The following DPYSL2 variants were observed in gnomAD, a reference collection of about 807,000 sequenced individuals.
The protein encoded by DPYSL2 is dihydropyrimidinase-related protein 2.
A neutral mutation model predicts 69.9 loss-of-function variants in DPYSL2; 13 were observed. The ratio of observed to expected loss-of-function variants is 0.19; its 90% CI spans 0.12 to 0.30. The LOEUF (loss-of-function observed/expected upper bound fraction) is 0.30, where lower values mean the gene tolerates loss of function less well. Ranked by LOEUF, DPYSL2 falls within the 10% of genes least tolerant of loss-of-function variation. The pLI, the probability that DPYSL2 is intolerant of heterozygous loss-of-function variation, is 1.00. For synonymous variants in DPYSL2, 326 were observed against 359.1 expected (o/e 0.91, Z 1.04); for missense variants, 587 against 918.9 (o/e 0.64, Z 4.67).
chr8:26,563,361 A>G (rs879461024), intron 1 of DPYSL2, among the ~76,000 whole-genome samples: 3 of 152,150 alleles, frequency 2.0e-5, no homozygotes, highest in Non-Finnish European at 4.4e-5. Flanking sequence ...TTGTCCAAAG[A>G]CTAAGTCTTC....
chr8:26,515,977 C>A (rs899557991), intron 1 of DPYSL2, among the ~76,000 whole-genome samples: 1 of 152,198 alleles, frequency 6.6e-6, no homozygotes, highest in South Asian at 2.1e-4. Flanking sequence ...CCTTTGAGAA[C>A]AATTCAGAAT....
Position 26,624,111 on chromosome 8 carries a change from G to A in DPYSL2, c.629-32G>A, listed in dbSNP as rs1802562094. On this transcript the variant is annotated intron_variant, in intron 3 of 13. Transcript: ENST00000521913. This position sits in a 1 kb window ranked among gnomAD's most constrained non-coding sequence, Gnocchi z 4.7. ...CTGGCCCACGGCCCTTGAGGCTCTT[G>A]GTGATGATGACATATGTCTGTTTCT... is the stretch of plus-strand genomic sequence containing the variant. The A allele has an allele frequency of 1.9e-6, 3 of 1,612,640 alleles. No individual in the cohort carries two copies. The East Asian group carries it at 6.7e-5, about 36-fold the overall frequency.
chr8:26,575,305 A>G (rs1801309607), intron 1 of DPYSL2, among the ~76,000 whole-genome samples: 1 of 151,780 alleles, frequency 6.6e-6, no homozygotes, highest in African/African-American at 2.4e-5. Context: ...TTATTTTTAC[A>G]AGGATCTCTG....
At chr8:26,600,028 A>G (rs1473023675) in intron 3 of DPYSL2, among the ~76,000 whole-genome samples, 1 of 152,244 alleles carries the variant, frequency 6.6e-6, no homozygotes, top group East Asian at 1.9e-4. Flanking sequence ...GGCCTTTTAT[A>G]GCTGGCTTCT....
chr8:26,539,643 G>A (rs1563379129), intron 1 of DPYSL2, among the ~76,000 whole-genome samples: 1 of 152,154 alleles, frequency 6.6e-6, no homozygotes, highest in South Asian at 2.1e-4. Context: ...GGGTTCAAGT[G>A]ATTCTCCTGC....
At chr8:26,608,507 C>G (rs1189679644) in intron 3 of DPYSL2, among the ~76,000 whole-genome samples, 1 of 152,128 alleles carries the variant, frequency 6.6e-6, no homozygotes, top group East Asian at 1.9e-4. Flanking sequence ...AGAGAAAATA[C>G]CTGTGAGGAA....
intron 1 of DPYSL2, among the ~76,000 whole-genome samples, chr8:26,568,883 G>A (rs1801193478): frequency 6.6e-6 from 1 of 152,106 alleles, no homozygotes; most frequent in South Asian, 2.1e-4. Flanking sequence ...GAGGAACCCG[G>A]CTGCAGTTAT....
chr8:26,622,149 CCT>C (rs1563413377), intron 3 of DPYSL2, among the ~76,000 whole-genome samples: 5 of 56,192 alleles, frequency 8.9e-5, no homozygotes, highest in African/African-American at 1.7e-4. Flanking sequence ...TTCCTTCCTT[CCT>C]TCCTTCCCTC....
At chr8:26,527,254 A>G (rs1458634993) in intron 1 of DPYSL2, among the ~76,000 whole-genome samples, 3 of 152,196 alleles carry the variant, frequency 2.0e-5, no homozygotes, top group Non-Finnish European at 4.4e-5. Context: ...ATATGCTGTT[A>G]AAATCAGGGA....
chr8:26,582,128 G>A lies in DPYSL2; in HGVS notation c.443+71G>A, dbSNP rs956418927. 10 of 1,240,420 alleles carry A rather than the reference G, an allele frequency of 8.1e-6. No homozygotes were observed. The highest frequency in any genetic ancestry group is 4.7e-5 in the East Asian group (2 of 42,592). 76.8% of individuals were successfully genotyped at this position (1,240,420 alleles called of 1,614,324 possible). A position where few individuals can be genotyped will look rare whatever the true frequency, so the allele number is the denominator to read the frequency against. On this transcript the variant is annotated intron_variant, in intron 2 of 13. Coordinates refer to ENST00000521913, the MANE Select transcript of DPYSL2 (RefSeq NM_001197293.3). The surrounding 1 kb of genome is among the most constrained non-coding windows in gnomAD (Gnocchi z 4.1). ...ACTTCCCAAGTATTAGATACCATTC[G>A]CATCCAAAGTATCAAACTTCAGGAA...
chr8:26,607,038 T>C lies in DPYSL2; in HGVS notation c.629-17105T>C, dbSNP rs181433558. 2.8e-3 allele frequency among the ~76,000 whole-genome samples: 425 copies of C among 152,326 alleles called. 1 individual carries two copies. The highest frequency in any genetic ancestry group is 9.4e-3 in the African/African-American group (389 of 41,574). On this transcript the variant is annotated intron_variant, in intron 3 of 13. Transcript: ENST00000521913. ...ACAAAAAAATTCATACGCCTTGACC[T>C]AGAGTAATCTATATGTAAACATTTA...
intron 1 of DPYSL2, among the ~76,000 whole-genome samples, chr8:26,535,991 G>A (rs961931127): frequency 6.6e-6 from 1 of 151,328 alleles, no homozygotes. Context: ...GTGTGATCAT[G>A]GCTCACCACA....
chr8:26,646,040 A>G (rs1179311757), intron 10 of DPYSL2, among the ~76,000 whole-genome samples: 2 of 151,022 alleles, frequency 1.3e-5, no homozygotes. Flanking sequence ...TAATTTTGGT[A>G]TTTTTAGTAG....
rs2129863186 is a variant in DPYSL2, at chr8:26,614,008, T to A, written c.629-10135T>A. ...AACTGGGCATGGTGGCACGTGCCTGTGGTCCCAGCTACTCGGGAGGTTGAG... is the reference window on the plus strand; with the variant it reads ...AACTGGGCATGGTGGCACGTGCCTGAGGTCCCAGCTACTCGGGAGGTTGAG... On this transcript the variant is annotated intron_variant, in intron 3 of 13. Transcript: ENST00000521913. This position sits in a 1 kb window ranked among gnomAD's most constrained non-coding sequence, Gnocchi z 4.9. 6.6e-6 allele frequency among the ~76,000 whole-genome samples: 1 copy of A among 152,240 alleles called. No homozygotes were observed. The highest frequency in any genetic ancestry group is 2.1e-4 in the South Asian group (1 of 4,822).
Position 26,652,149 on chromosome 8 carries a change from C to A in DPYSL2, c.1597-108C>A. ...TGCCCAGTTGGGACAGGATCCCTGTCTCTGAGTCTCTCTTTTGTCTCTGTG... is the reference window on the plus strand; with the variant it reads ...TGCCCAGTTGGGACAGGATCCCTGTATCTGAGTCTCTCTTTTGTCTCTGTG... On this transcript the variant is annotated intron_variant, in intron 11 of 13. Coordinates refer to ENST00000521913, the MANE Select transcript of DPYSL2 (RefSeq NM_001197293.3). This position sits in a 1 kb window ranked among gnomAD's most constrained non-coding sequence, Gnocchi z 6.3. 1 of 1,103,554 alleles carries A rather than the reference C, an allele frequency of 9.1e-7. No individual in the cohort carries two copies. Among genetic ancestry groups the A allele is most frequent in the Non-Finnish European group, 1.2e-6 (1 of 808,216 alleles). 68.4% of individuals were successfully genotyped at this position (1,103,554 alleles called of 1,614,324 possible). A position where few individuals can be genotyped will look rare whatever the true frequency, so the allele number is the denominator to read the frequency against.
In DPYSL2 at chr8:26,556,995, T is replaced by C. The variant is rs557548109; in HGVS notation, c.355-24974T>C. On this transcript the variant is annotated intron_variant, in intron 1 of 13. Transcript: ENST00000521913. ...TTGAAAATACAGCCTTTTCAACAAA[T>C]GATGCTGGAACAACTGGCCAACCCC... is the stretch of plus-strand genomic sequence containing the variant. Among the ~76,000 whole-genome samples, 4 of 152,256 alleles carry C rather than the reference T, an allele frequency of 2.6e-5. 1 individual carries two copies. The highest frequency in any genetic ancestry group is 9.6e-5 in the African/African-American group (4 of 41,546).
intron 3 of DPYSL2, chr8:26,623,902 G>A (rs1325117883): frequency 4.1e-6 from 2 of 488,772 alleles, no homozygotes; most frequent in Non-Finnish European, 7.4e-6. Context: ...TGGGAAATCA[G>A]ATCTGGGCAG....
At chr8:26,546,473 TAG>T (rs980253863) in intron 1 of DPYSL2, among the ~76,000 whole-genome samples, 1 of 152,166 alleles carries the variant, frequency 6.6e-6, no homozygotes, top group Non-Finnish European at 1.5e-5. Flanking sequence ...TATATCTTTC[TAG>T]AGTCTTTTAA....
intron 3 of DPYSL2, among the ~76,000 whole-genome samples, chr8:26,595,086 G>A (rs1184656554): frequency 6.6e-6 from 1 of 152,020 alleles, no homozygotes; most frequent in African/African-American, 2.4e-5. Flanking sequence ...AGCTGGGCGT[G>A]GTGACACATA....
Sources: allele counts gnomAD v4.1 joint callset (sites outside exome capture counted in the v4.1 genomes callset), GRCh38; gene constraint gnomAD v4.1.1; non-coding constraint Gnocchi (gnomAD v3.1); transcripts MANE v1.5; gene names NCBI Gene and HGNC (gene_info 2026-07-23, HGNC 2026-07-21).